The following QRFPR variants were observed in gnomAD, a reference collection of about 807,000 sequenced individuals.
The protein encoded by QRFPR is pyroglutamylated RF-amide peptide receptor.
Under a neutral mutation model 31.3 loss-of-function variants are expected in QRFPR, and 37 were observed. The observed-to-expected ratio is 1.18, with a 90% CI of 0.91 to 1.56. The LOEUF (loss-of-function observed/expected upper bound fraction) is 1.56, where lower values mean the gene tolerates loss of function less well. Among genes scored for constraint, QRFPR ranks in the 40% most tolerant of loss-of-function variants. QRFPR has a pLI of 0.00. For synonymous variants in QRFPR, 197 were observed against 192.0 expected (o/e 1.03, Z -0.22); for missense variants, 542 against 532.5 (o/e 1.02, Z -0.18).
At chr4:121,342,496 A>C (rs551434244) in intron 1 of QRFPR, among the ~76,000 whole-genome samples, 3 of 152,034 alleles carry the variant, frequency 2.0e-5, no homozygotes, top group East Asian at 1.9e-4. Context: ...TACTCTAACA[A>C]TCATATTTGT....
rs1295505403 is a variant in QRFPR at position 121,370,163 on chromosome 4, C to T, written c.340+10145G>A. The T allele has an allele frequency of 3.9e-6, 3 of 768,468 alleles. No individual in the cohort carries two copies. The African/African-American group carries it at 5.1e-5, about 13-fold the overall frequency. The allele number at this position is 768,468 out of a possible 1,614,324, so 47.6% of individuals were successfully genotyped here. ...CCTTGGTGAGGTGCTGATACTTGTG[C>T]TCTGAAATCACTGGCTTCCAAGGGA... On this transcript the variant is annotated intron_variant, in intron 1 of 5. Transcript: ENST00000394427.
chr4:121,336,735 G>A lies in QRFPR; in HGVS notation c.561+72C>T, dbSNP rs1725443420. On this transcript the variant is annotated intron_variant, in intron 3 of 5. Transcript: ENST00000394427. ...TTTGCTGTATTGCTCCTGCAGGAAG[G>A]AAAATAATTACAATTAAGAGGGGTG... 1.3e-5 allele frequency: 16 copies of A among 1,249,930 alleles called. 1 individual carries two copies. The Middle Eastern group carries it at 5.6e-4, about 44-fold the overall frequency. 77.4% of individuals were successfully genotyped at this position (1,249,930 alleles called of 1,614,324 possible).
At position 121,337,367 on chromosome 4, in the gene QRFPR, C is replaced by T. The variant is rs1436879623; in HGVS notation, c.500-499G>A. ...AAACTTTGAAGGTCACTACTATTTC[C>T]AAATAAACTGACTACTAATTCCTTG... On this transcript the variant is annotated intron_variant, in intron 2 of 5. Coordinates refer to ENST00000394427, the MANE Select transcript of QRFPR (RefSeq NM_198179.3). Among the ~76,000 whole-genome samples the T allele has an allele frequency of 2.0e-5, 3 of 152,168 alleles. No homozygotes were observed. The East Asian group carries it at 5.8e-4, about 29-fold the overall frequency.
chr4:121,370,040 G>A, intron 1 of QRFPR: 1 of 772,890 alleles, frequency 1.3e-6, no homozygotes, highest in South Asian at 1.3e-5. Flanking sequence ...ATGACGACAT[G>A]GGTAGCTTTA....
At chr4:121,365,532 ATAATATATATT>A (rs1410257886) in intron 1 of QRFPR, among the ~76,000 whole-genome samples, 1 of 4,508 alleles carries the variant, frequency 2.2e-4, no homozygotes, top group African/African-American at 1.7e-3. Flanking sequence ...TATATTATAT[ATAATATATATT>A]ATATATAATA....
At chr4:121,353,256 T>C (rs1225608813) in intron 1 of QRFPR, among the ~76,000 whole-genome samples, 1 of 152,080 alleles carries the variant, frequency 6.6e-6, no homozygotes, top group Non-Finnish European at 1.5e-5. Context: ...CTGGATTGTA[T>C]GGTAGTTTTA....
intron 1 of QRFPR, among the ~76,000 whole-genome samples, chr4:121,342,061 T>A (rs1725553450): frequency 6.6e-6 from 1 of 152,208 alleles, no homozygotes; most frequent in African/African-American, 2.4e-5. Context: ...AGCATTTGAA[T>A]CAGTAGAAGA....
intron 1 of QRFPR, among the ~76,000 whole-genome samples, chr4:121,345,387 T>A (rs1725624542): frequency 6.6e-6 from 1 of 152,232 alleles, no homozygotes; most frequent in Non-Finnish European, 1.5e-5. Context: ...ATCCTTCCAA[T>A]ACATTCTCTT....
At chr4:121,372,938 A>G (rs773030747) in intron 1 of QRFPR, among the ~76,000 whole-genome samples, 3 of 152,218 alleles carry the variant, frequency 2.0e-5, no homozygotes, top group Admixed American at 1.3e-4. Flanking sequence ...TGAAACCACA[A>G]CACAGAGGGA....
Position 121,361,435 on chromosome 4 carries a change from A to G in QRFPR, c.340+18873T>C, listed in dbSNP as rs73845781. On this transcript the variant is annotated intron_variant, in intron 1 of 5. Transcript: ENST00000394427. Reference sequence around the variant, plus strand: ...AGAGAGAGATACGCAGCCATGGTCTATTTGCTAATAAAAAGTGCTCAGTGG... The same window carrying G: ...AGAGAGAGATACGCAGCCATGGTCTGTTTGCTAATAAAAAGTGCTCAGTGG... 9.0e-3 allele frequency among the ~76,000 whole-genome samples: 1,350 copies of G among 150,142 alleles called. 104 individuals are homozygous for G. Among genetic ancestry groups the G allele is most frequent in the African/African-American group, 0.032 (1,285 of 40,634 alleles).
chr4:121,347,895 C>T (rs1725687908), intron 1 of QRFPR, among the ~76,000 whole-genome samples: 1 of 152,090 alleles, frequency 6.6e-6, no homozygotes, highest in Non-Finnish European at 1.5e-5. Context: ...AAATACATCT[C>T]CCTTTCAGTG....
At chr4:121,369,865 C>A in intron 1 of QRFPR, 3 of 847,096 alleles carry the variant, frequency 3.5e-6, no homozygotes, top group South Asian at 2.7e-5. Flanking sequence ...CTTTTGTTAT[C>A]TCTCCACTCT....
At chr4:121,365,560 AT>A (rs1726094965) in intron 1 of QRFPR, among the ~76,000 whole-genome samples, 1 of 6,074 alleles carries the variant, frequency 1.6e-4, no homozygotes, top group Non-Finnish European at 2.4e-4. Context: ...AATATATAAT[AT>A]ATATTATATA....
chr4:121,356,296 T>C (rs1042532212), intron 1 of QRFPR, among the ~76,000 whole-genome samples: 1 of 152,242 alleles, frequency 6.6e-6, no homozygotes, highest in Non-Finnish European at 1.5e-5. Context: ...TAAATTTCTC[T>C]GATACAATTC....
chr4:121,380,702 A>T lies in QRFPR; in HGVS notation c.-55T>A, dbSNP rs902162857. 5.2e-5 allele frequency: 75 copies of T among 1,445,332 alleles called. No homozygotes were observed. The highest frequency in any genetic ancestry group is 7.7e-5 in the Admixed American group (3 of 39,042). The allele number at this position is 1,445,332 out of a possible 1,614,324, so 89.5% of individuals were successfully genotyped here. A position where few individuals can be genotyped will look rare whatever the true frequency, so the allele number is the denominator to read the frequency against. On this transcript the variant is annotated 5_prime_UTR_variant, in exon 1 of 6. It removes an upstream start codon present in the reference 5' UTR. Coordinates refer to ENST00000394427, the MANE Select transcript of QRFPR (RefSeq NM_198179.3). ...CGCCCGCTACTGGCTGGCCATCCGCATCTGCGGGGCAGCGAGGGCTTCGGG... is the reference window on the plus strand; with the variant it reads ...CGCCCGCTACTGGCTGGCCATCCGCTTCTGCGGGGCAGCGAGGGCTTCGGG...
intron 1 of QRFPR, among the ~76,000 whole-genome samples, chr4:121,365,590 TTATA>T (rs371653214): frequency 1.4e-3 from 8 of 5,620 alleles, no homozygotes; most frequent in South Asian, 0.014. Context: ...ATTATATATA[TTATA>T]TATATATAAT....
intron 1 of QRFPR, among the ~76,000 whole-genome samples, chr4:121,379,427 C>A (rs918591057): frequency 6.6e-6 from 1 of 152,158 alleles, no homozygotes; most frequent in South Asian, 2.1e-4. Flanking sequence ...TACACCCAAC[C>A]GTGAAAAAGG....
rs780591536 is a variant in QRFPR, at chr4:121,330,439, C to A, written c.882G>T (p.Met294Ile). ...ACAAGCACTCACTGTATTCAATCAT[C>A]ATATGGACAACATGGAATGGTGCCC... ...VCWAPFHVVH[M>I]MIEYSNFEKE... is the part of the protein sequence containing the mutation. Residue 294 changes from methionine (M) to isoleucine (I), a missense_variant, in exon 5 of 6, where the codon ATG (methionine) becomes ATT (isoleucine). Physicochemically the swap from Met to Ile is conservative, Grantham distance 10. Transcript: ENST00000394427. 5.6e-6 allele frequency: 9 copies of A among 1,609,584 alleles called. No individual in the cohort carries two copies. In the South Asian group the frequency reaches 7.7e-5, roughly 14 times the overall value.
At chr4:121,361,949 A>C (rs1485956018) in intron 1 of QRFPR, among the ~76,000 whole-genome samples, 1 of 150,290 alleles carries the variant, frequency 6.7e-6, no homozygotes, top group Non-Finnish European at 1.5e-5. Flanking sequence ...TTATTCTAAA[A>C]TAAGATATCT....
Sources: allele counts gnomAD v4.1 joint callset (sites outside exome capture counted in the v4.1 genomes callset), GRCh38; gene constraint gnomAD v4.1.1; transcripts MANE v1.5; gene names NCBI Gene and HGNC (gene_info 2026-07-23, HGNC 2026-07-21).